The following OPA1 variants were observed in gnomAD, a reference collection of about 807,000 sequenced individuals.
OPA1 encodes dynamin-like GTPase OPA1, mitochondrial.
Under a neutral mutation model 152.9 loss-of-function variants are expected in OPA1, and 59 were observed. That is an observed-to-expected ratio of 0.39 (90% CI 0.31 to 0.48). The LOEUF (loss-of-function observed/expected upper bound fraction) is 0.48. Among genes scored for constraint, OPA1 ranks in the 20% least tolerant of loss-of-function variants. OPA1 has a pLI of 0.96. For synonymous variants in OPA1, 400 were observed against 389.9 expected (o/e 1.03, Z -0.31); for missense variants, 1,008 against 1,216.8 (o/e 0.83, Z 2.55).
intron 30 of OPA1, among the ~76,000 whole-genome samples, chr3:193,693,929 C>CGTTATAGTT: frequency 6.6e-6 from 1 of 152,260 alleles, no homozygotes; most frequent in South Asian, 2.1e-4. Flanking sequence ...CCTGTGTGTG[C>CGTTATAGTT]TTTGCGGGGA....
intron 29 of OPA1, 124 bp from the exon 30 acceptor site, chr3:193,691,939 G>A (rs766503737): frequency 1.1e-5 from 7 of 636,460 alleles, no homozygotes; most frequent in Non-Finnish European, 2.0e-5. Context: ...AGGTGGTATG[G>A]TGAGACTCAT....
chr3:193,624,350 G>A (rs1730677768), intron 6 of OPA1: 1 of 152,122 alleles, frequency 6.6e-6, no homozygotes, highest in Non-Finnish European at 1.5e-5. Flanking sequence ...TTATAAATTA[G>A]AATACTAGTG....
intron 1 of OPA1, among the ~76,000 whole-genome samples, chr3:193,603,026 AT>A (rs1039027355): frequency 7.9e-5 from 12 of 152,314 alleles, no homozygotes; most frequent in Admixed American, 3.3e-4. Flanking sequence ...TGGTGGAAAT[AT>A]ACTGCCTCTA....
At chr3:193,656,988 A>C in intron 22 of OPA1, 92 bp from the exon 23 acceptor site, 1 of 1,083,370 alleles carries the variant, frequency 9.2e-7, no homozygotes, top group African/African-American at 1.6e-5. Context: ...TTTATTTATC[A>C]CATCTGTTTG....
rs375209295 is a variant in OPA1, at chr3:193,626,109, C to T, written c.696C>T (p.Leu232=). 35 of 1,613,966 alleles carry T rather than the reference C, an allele frequency of 2.2e-5. No individual in the cohort carries two copies. Among genetic ancestry groups the T allele is most frequent in the Non-Finnish European group, 3.0e-5 (35 of 1,179,898 alleles). ...CGTGGCAGGGTCTGCTTGGTGAGCT[C>T]ATTCTCTTACAACAACAAATTCAAG... ...KHFRKGLLGE[L]ILLQQQIQEH... is the part of the protein sequence containing the mutation. Residue 232 remains leucine, a synonymous_variant, in exon 7 of 31, where the codon CTC becomes CTT. Transcript: ENST00000361510.
intron 2 of OPA1, 57 bp from the exon 3 acceptor site, chr3:193,615,617 T>C: frequency 1.1e-6 from 1 of 940,018 alleles, no homozygotes; most frequent in Non-Finnish European, 1.8e-6. Flanking sequence ...ATAATTTTTC[T>C]TTACATGTTT....
chr3:193,643,056 G>T lies in OPA1; in HGVS notation c.1305+7G>T, dbSNP rs1201495034. 2 of 1,606,100 alleles carry T rather than the reference G, an allele frequency of 1.2e-6. No individual in the cohort carries two copies. Among genetic ancestry groups the T allele is most frequent in the African/African-American group, 1.3e-5 (1 of 74,828 alleles). ...CTGTACCGTTAGCCCTGAGGTAAGG[G>T]TTGCAATTCATTTCAGTGACGTTTT... On this transcript the variant is annotated splice_region_variant and intron_variant, in intron 13 of 30. Coordinates refer to ENST00000361510, the MANE Select transcript of OPA1 (RefSeq NM_130837.3).
intron 8 of OPA1, among the ~76,000 whole-genome samples, chr3:193,632,698 G>GT (rs1732281236): frequency 6.6e-6 from 1 of 151,672 alleles, no homozygotes; most frequent in Admixed American, 6.6e-5. Flanking sequence ...GAGAAACCCC[G>GT]TATCTATAAA....
At chr3:193,607,491 A>G (rs1727474136) in intron 1 of OPA1, among the ~76,000 whole-genome samples, 1 of 152,216 alleles carries the variant, frequency 6.6e-6, no homozygotes. Flanking sequence ...ATGGCTAGCC[A>G]GTTTTCCCAG....
intron 1 of OPA1, among the ~76,000 whole-genome samples, chr3:193,612,444 A>C (rs934465041): frequency 1.3e-5 from 2 of 152,056 alleles, no homozygotes; most frequent in Non-Finnish European, 2.9e-5. Flanking sequence ...TAAGCTTTTC[A>C]TTTGGTTTTT....
chr3:193,646,962 G>A (rs1398875436), intron 18 of OPA1, 103 bp from the exon 19 acceptor site: 3 of 716,586 alleles, frequency 4.2e-6, no homozygotes, highest in Non-Finnish European at 7.3e-6. Flanking sequence ...GGTATGAAAG[G>A]TAAGAGTGGC....
rs147833342 is a variant in OPA1, at chr3:193,631,985, G to A, written c.843+320G>A. 5.0e-3 allele frequency among the ~76,000 whole-genome samples: 763 copies of A among 152,238 alleles called. 6 individuals carry two copies. The highest frequency in any genetic ancestry group is 0.017 in the African/African-American group (725 of 41,524). ...TAAGCTAATACAGTTAAAGAAATTC[G>A]AGTTGAGTCTACCACATCGTTCTAG... On this transcript the variant is annotated intron_variant, in intron 8 of 30. Coordinates refer to ENST00000361510, the MANE Select transcript of OPA1 (RefSeq NM_130837.3).
At chr3:193,670,836 A>G (rs758528444) in intron 29 of OPA1, among the ~76,000 whole-genome samples, 3 of 152,208 alleles carry the variant, frequency 2.0e-5, no homozygotes, top group Non-Finnish European at 2.9e-5. Flanking sequence ...AGGCTCTTCC[A>G]GGATTCTTTG....
intron 11 of OPA1, among the ~76,000 whole-genome samples, chr3:193,639,699 T>C (rs1386976299): frequency 6.6e-6 from 1 of 152,226 alleles, no homozygotes; most frequent in African/African-American, 2.4e-5. Context: ...AGTGCAGGAT[T>C]TCGAGCAAAG....
At chr3:193,623,271 G>A (rs1341882384) in intron 6 of OPA1, among the ~76,000 whole-genome samples, 1 of 152,106 alleles carries the variant, frequency 6.6e-6, no homozygotes, top group Non-Finnish European at 1.5e-5. Flanking sequence ...CTATCACATT[G>A]TGAGGCTAGG....
intron 1 of OPA1, among the ~76,000 whole-genome samples, chr3:193,596,380 C>G (rs1377508087): frequency 4.6e-4 from 34 of 74,354 alleles, no homozygotes; most frequent in Admixed American, 8.0e-4. Context: ...CTTTTCTTTT[C>G]TTTTCTTTTC....
At chr3:193,665,167 C>T (rs1716231139) in intron 27 of OPA1, among the ~76,000 whole-genome samples, 171 bp downstream of exon 27, 1 of 151,740 alleles carries the variant, frequency 6.6e-6, no homozygotes, top group African/African-American at 2.4e-5. Flanking sequence ...AAGATATTTG[C>T]CACTTTGTTC....
In OPA1 at chr3:193,642,969, C is replaced by T. The variant is rs998649253; in HGVS notation, c.1231-6C>T. 1 of 1,612,518 alleles carries T rather than the reference C, an allele frequency of 6.2e-7. No individual in the cohort carries two copies. Among genetic ancestry groups the T allele is most frequent in the Admixed American group, 1.7e-5 (1 of 59,998 alleles). Reference sequence around the variant, plus strand: ...GATTTTCTTAGGATTTTGTGTTTTCCATTAGCTTGCAGCATTAAGACATGA... The same window carrying T: ...GATTTTCTTAGGATTTTGTGTTTTCTATTAGCTTGCAGCATTAAGACATGA... On this transcript the variant is annotated splice_polypyrimidine_tract_variant and splice_region_variant and intron_variant, in intron 12 of 30. Transcript: ENST00000361510.
intron 1 of OPA1, among the ~76,000 whole-genome samples, chr3:193,609,150 T>A (rs1727771748): frequency 6.6e-6 from 1 of 152,214 alleles, no homozygotes; most frequent in Non-Finnish European, 1.5e-5. Flanking sequence ...GTCTTGACTC[T>A]TTATCCAATT....
Sources: allele counts gnomAD v4.1 joint callset (sites outside exome capture counted in the v4.1 genomes callset), GRCh38; gene constraint gnomAD v4.1.1; transcripts MANE v1.5; gene names NCBI Gene and HGNC (gene_info 2026-07-23, HGNC 2026-07-21).